The following TAS2R1 variants were observed in gnomAD, a reference collection of about 807,000 sequenced individuals.
The protein encoded by TAS2R1 is taste 2 receptor member 1.
For synonymous variants in TAS2R1, 141 were observed against 134.2 expected, an observed-to-expected ratio of 1.05 and a Z score of -0.35; for missense variants, 370 against 353.4, an observed-to-expected ratio of 1.05 and a Z score of -0.38.
the TAS2R1 span, among the ~76,000 whole-genome samples, chr5:9,856,154 T>C: frequency 1.3e-5 from 2 of 152,180 alleles, no homozygotes; most frequent in African/African-American, 4.8e-5. Flanking sequence ...CGTCTCCTTA[T>C]AAGAATTTAA....
At chr5:9,777,281 C>T in the TAS2R1 span, among the ~76,000 whole-genome samples, 2 of 152,244 alleles carry the variant, frequency 1.3e-5, no homozygotes, top group Admixed American at 6.5e-5. Context: ...AACCCTGCTA[C>T]TGCTTTATCA....
chr5:9,737,428 T>C, the TAS2R1 span, among the ~76,000 whole-genome samples: 3 of 152,200 alleles, frequency 2.0e-5, no homozygotes, highest in Admixed American at 6.5e-5. Context: ...AACAATGTCA[T>C]AAAATCTTTG....
chr5:9,753,050 T>C, the TAS2R1 span, among the ~76,000 whole-genome samples: 1 of 152,352 alleles, frequency 6.6e-6, no homozygotes, highest in East Asian at 1.9e-4. Flanking sequence ...TTATAATCCT[T>C]TGGGTATATA....
chr5:9,640,852 G>C (rs538315955), intron 2 of TAS2R1, among the ~76,000 whole-genome samples: 1 of 152,232 alleles, frequency 6.6e-6, no homozygotes, highest in Non-Finnish European at 1.5e-5. Context: ...AATATTACCA[G>C]AGGAAAAAAA....
intron 1 of TAS2R1, among the ~76,000 whole-genome samples, chr5:9,662,866 T>C (rs779187970): frequency 2.0e-5 from 3 of 152,224 alleles, no homozygotes; most frequent in Non-Finnish European, 4.4e-5. Context: ...AATTCACTTG[T>C]CAATACCCAA....
At chr5:9,878,805 C>T in the TAS2R1 span, among the ~76,000 whole-genome samples, 190 of 152,310 alleles carry the variant, frequency 1.2e-3, 1 homozygote, top group South Asian at 3.3e-3. Context: ...GTTGTAGGAA[C>T]TGTGTCAACT....
At chr5:9,688,010 C>G (rs566899167) in intron 1 of TAS2R1, among the ~76,000 whole-genome samples, 123 of 152,334 alleles carry the variant, frequency 8.1e-4, no homozygotes, top group Non-Finnish European at 1.4e-3. Context: ...TTTCAGCAAA[C>G]TTACAGAGGA....
intron 2 of TAS2R1, among the ~76,000 whole-genome samples, chr5:9,655,380 G>A (rs924803546): frequency 6.6e-6 from 1 of 151,774 alleles, no homozygotes; most frequent in South Asian, 2.1e-4. Flanking sequence ...AATTTCTGTA[G>A]GATCAAAAAG....
At chr5:9,717,794 A>C in the TAS2R1 span, among the ~76,000 whole-genome samples, 1 of 152,240 alleles carries the variant, frequency 6.6e-6, no homozygotes, top group Non-Finnish European at 1.5e-5. Context: ...TAAAAATAAA[A>C]GGACATATAC....
chr5:9,667,656 C>CA (rs1456810311), intron 1 of TAS2R1, among the ~76,000 whole-genome samples: 1 of 152,124 alleles, frequency 6.6e-6, no homozygotes, highest in African/African-American at 2.4e-5. Context: ...AGACAGTAAT[C>CA]AAAGAGGGCT....
At chr5:9,820,514 G>A in the TAS2R1 span, among the ~76,000 whole-genome samples, 1 of 152,070 alleles carries the variant, frequency 6.6e-6, no homozygotes, top group Non-Finnish European at 1.5e-5. Flanking sequence ...CAGAAAAGTT[G>A]GTTACCAAGA....
the TAS2R1 span, among the ~76,000 whole-genome samples, chr5:9,793,588 T>C: frequency 9.2e-5 from 14 of 152,138 alleles, no homozygotes; most frequent in African/African-American, 2.9e-4. Context: ...ATGCAGGTGC[T>C]CCGCTGCAGT....
At chr5:9,714,460 G>T (rs1345087728), upstream of TAS2R1, among the ~76,000 whole-genome samples, 1 of 152,202 alleles carries the variant, frequency 6.6e-6, no homozygotes, top group Non-Finnish European at 1.5e-5. Context: ...ATCAGCCAGT[G>T]CTACACCATA....
chr5:9,761,619 G>A, the TAS2R1 span, among the ~76,000 whole-genome samples: 1 of 152,112 alleles, frequency 6.6e-6, no homozygotes, highest in African/African-American at 2.4e-5. Context: ...AACTACACCT[G>A]CCCCACCTTG....
At chr5:9,734,905 G>C in the TAS2R1 span, among the ~76,000 whole-genome samples, 2 of 151,380 alleles carry the variant, frequency 1.3e-5, no homozygotes, top group African/African-American at 4.9e-5. Flanking sequence ...AAATGTAACT[G>C]TATTCGTTTG....
upstream of TAS2R1, among the ~76,000 whole-genome samples, chr5:9,632,441 A>C (rs1739888133): frequency 6.6e-6 from 1 of 152,174 alleles, no homozygotes; most frequent in South Asian, 2.1e-4. Flanking sequence ...ATAAGACAGC[A>C]ATCAATTTTG....
the TAS2R1 span, among the ~76,000 whole-genome samples, chr5:9,843,774 T>TA: frequency 6.6e-6 from 1 of 152,214 alleles, no homozygotes; most frequent in African/African-American, 2.4e-5. Context: ...ACAGTTTAGT[T>TA]AAGTTCTCTG....
the TAS2R1 span, among the ~76,000 whole-genome samples, chr5:9,780,696 C>CGT: frequency 8.1e-6 from 1 of 123,778 alleles, no homozygotes; most frequent in African/African-American, 3.0e-5. Flanking sequence ...TGTGTGCGCG[C>CGT]GCGCGCGCAT....
the TAS2R1 span, among the ~76,000 whole-genome samples, chr5:9,754,149 A>C: frequency 1.3e-5 from 2 of 152,364 alleles, no homozygotes; most frequent in East Asian, 3.9e-4. Context: ...AGAACCAAAA[A>C]CAAAAACCAT....
Sources: allele counts gnomAD v4.1 joint callset (sites outside exome capture counted in the v4.1 genomes callset), GRCh38; gene constraint gnomAD v4.1.1; transcripts MANE v1.5; gene names NCBI Gene and HGNC (gene_info 2026-07-23, HGNC 2026-07-21).